Variants in LIMCH1 observed in about 807,000 individuals in gnomAD.
LIMCH1 encodes the protein LIM and calponin homology domains 1.
In LIMCH1, 113 loss-of-function variants were observed where a neutral mutation model predicts 176.5. The observed-to-expected ratio is 0.64, with a 90% CI of 0.55 to 0.75. The LOEUF is 0.75. Ranked by LOEUF, LIMCH1 falls within the 30% of genes least tolerant of loss-of-function variation. LIMCH1 has a pLI of 0.00. For missense variants in LIMCH1, 1,674 were observed against 1,814.9 expected (o/e 0.92, Z 1.41); for synonymous variants, 619 against 645.9 (o/e 0.96, Z 0.63).
At position 41,652,501 on chromosome 4, in the gene LIMCH1, C is replaced by T. The variant is rs57470643; in HGVS notation, c.3036+1893C>T. Among the ~76,000 whole-genome samples the T allele has an allele frequency of 7.4e-3, 1,122 of 152,226 alleles. 17 individuals are homozygous for T. Among genetic ancestry groups the T allele is most frequent in the African/African-American group, 0.026 (1,073 of 41,532 alleles). On this transcript the variant is annotated intron_variant, in intron 18 of 31. Coordinates refer to ENST00000503057, the MANE Select transcript of LIMCH1 (RefSeq NM_001330672.2). ...GCTAGAGATTTCTTGCAGATGATCA[C>T]GAGACAGAATATTGAGTTCTGCTAG...
intron 1 of LIMCH1, among the ~76,000 whole-genome samples, chr4:41,419,674 TTCCTTCC>T (rs1249048021): frequency 2.3e-4 from 17 of 72,626 alleles, no homozygotes; most frequent in South Asian, 6.9e-4. Flanking sequence ...CCTTCCTTCC[TTCCTTCC>T]TCCTTCCTTC....
At chr4:41,481,673 GA>G (rs1376156217) in intron 1 of LIMCH1, among the ~76,000 whole-genome samples, 1 of 151,942 alleles carries the variant, frequency 6.6e-6, no homozygotes, top group Non-Finnish European at 1.5e-5. Flanking sequence ...GGACAGACCT[GA>G]AATATATTTT....
chr4:41,455,721 C>T (rs2064512061), intron 1 of LIMCH1, among the ~76,000 whole-genome samples: 1 of 152,220 alleles, frequency 6.6e-6, no homozygotes, highest in Admixed American at 6.5e-5. Context: ...ACTCAGCGCA[C>T]AAGTTAATTT....
At chr4:41,605,873 C>A in intron 3 of LIMCH1, 21 bp from the exon 4 acceptor site, 2 of 1,512,822 alleles carry the variant, frequency 1.3e-6, no homozygotes, top group South Asian at 2.3e-5. Context: ...AAAATCTGCT[C>A]TTGTGCGTTT....
At chr4:41,459,730 A>G (rs1373648957) in intron 1 of LIMCH1, among the ~76,000 whole-genome samples, 1 of 152,100 alleles carries the variant, frequency 6.6e-6, no homozygotes, top group Admixed American at 6.5e-5. Flanking sequence ...GCTACCACTA[A>G]CTACTCCTAG....
At chr4:41,454,656 G>A (rs908394284) in intron 1 of LIMCH1, among the ~76,000 whole-genome samples, 1 of 152,102 alleles carries the variant, frequency 6.6e-6, no homozygotes, top group Non-Finnish European at 1.5e-5. Context: ...GTATCTAGTG[G>A]CAGTGCACAT....
In LIMCH1 at chr4:41,662,834, T is replaced by C; in HGVS notation, c.3141T>C (p.Phe1047=). The C allele has an allele frequency of 6.2e-7, 1 of 1,614,080 alleles. No individual in the cohort carries two copies. The highest frequency in any genetic ancestry group is 8.5e-7 in the Non-Finnish European group (1 of 1,179,968). ...ACTCCATTGCAGAACCACAGCATTT[T>C]ACAACAACTGTGACTCGATGCAGCC... ...IELASSEPQH[F]TTTVTRCSPT... is the part of the protein sequence containing the mutation. The change falls in exon 20 of 32, where the codon TTT becomes TTC. Residue 1047 remains phenylalanine, a synonymous_variant. Coordinates refer to ENST00000503057, the MANE Select transcript of LIMCH1 (RefSeq NM_001330672.2).
intron 13 of LIMCH1, among the ~76,000 whole-genome samples, chr4:41,636,309 C>T (rs1480405424): frequency 6.8e-6 from 1 of 146,480 alleles, no homozygotes; most frequent in African/African-American, 2.5e-5. Flanking sequence ...TATTGAGTCA[C>T]GTACTTTGCA....
At chr4:41,380,680 A>G (rs2055525789) in intron 1 of LIMCH1, among the ~76,000 whole-genome samples, 2 of 152,160 alleles carry the variant, frequency 1.3e-5, no homozygotes, top group African/African-American at 4.8e-5. Context: ...CAGGGTGGAG[A>G]ACACAGCAGA....
rs76258727 is a variant in LIMCH1 at position 41,690,008 on chromosome 4, G to A, written c.4275+373G>A. ...GTTTCTTAAACTCTTATGACTTAAT[G>A]TGAAAGGGTTTTAGTCTTTGACCTA... On this transcript the variant is annotated intron_variant, in intron 30 of 31. Transcript: ENST00000503057. Among the ~76,000 whole-genome samples, 65 of 152,306 alleles carry A rather than the reference G, an allele frequency of 4.3e-4. 1 individual carries two copies. The East Asian group carries it at 0.012, about 28-fold the overall frequency.
At chr4:41,609,644 G>T (rs2091183071) in intron 4 of LIMCH1, 1 of 455,828 alleles carries the variant, frequency 2.2e-6, no homozygotes, top group Non-Finnish European at 4.4e-6. Flanking sequence ...GAGAAAGGGG[G>T]ATAGGAGGAA....
At position 41,650,375 on chromosome 4, in the gene LIMCH1, T is replaced by G; in HGVS notation, c.2821-18T>G. On this transcript the variant is annotated intron_variant, in intron 17 of 31. Transcript: ENST00000503057. The stretch of plus-strand genomic sequence containing the variant: ...GGGGTATATATAGCATGTTTTTTGT[T>G]CATTCTGGCTTTTATAGGTAGACGG... The G allele has an allele frequency of 6.9e-6, 11 of 1,598,990 alleles. No homozygotes were observed. Among genetic ancestry groups the G allele is most frequent in the Non-Finnish European group, 9.4e-6 (11 of 1,166,488 alleles).
At chr4:41,669,337 A>G (rs1039914512) in intron 21 of LIMCH1, among the ~76,000 whole-genome samples, 2 of 152,230 alleles carry the variant, frequency 1.3e-5, no homozygotes, top group Non-Finnish European at 2.9e-5. Flanking sequence ...GAATAGCAGC[A>G]GGAGGAGTAA....
At chr4:41,678,349 C>A (rs1202492619) in intron 23 of LIMCH1, among the ~76,000 whole-genome samples, 2 of 151,818 alleles carry the variant, frequency 1.3e-5, no homozygotes, top group Non-Finnish European at 1.5e-5. Context: ...TTAAGTTTGG[C>A]ATTTTGTAAC....
intron 2 of LIMCH1, among the ~76,000 whole-genome samples, chr4:41,499,721 G>A (rs1474256883): frequency 1.3e-5 from 2 of 152,188 alleles, no homozygotes; most frequent in Non-Finnish European, 2.9e-5. Context: ...GGGAGGCTGA[G>A]GCAGGAGAAT....
In LIMCH1 at chr4:41,697,590, A is replaced by G. The variant is rs1226057374; in HGVS notation, c.*405A>G. On this transcript the variant is annotated 3_prime_UTR_variant, in exon 32 of 32. Coordinates refer to ENST00000503057, the MANE Select transcript of LIMCH1 (RefSeq NM_001330672.2). The stretch of plus-strand genomic sequence containing the variant: ...TATGTTTACAGAATTGAGCTGCAGA[A>G]AGTGCAAGACATGCCAATTTGAGAC... 5.7e-6 allele frequency: 1 copy of G among 175,208 alleles called. No individual in the cohort carries two copies. Among genetic ancestry groups the G allele is most frequent in the East Asian group, 1.5e-4 (1 of 6,626 alleles). The allele number at this position is 175,208 out of a possible 1,614,324, so 10.9% of individuals were successfully genotyped here. A position where few individuals can be genotyped will look rare whatever the true frequency, so the allele number is the denominator to read the frequency against.
rs2092686992 is a variant in LIMCH1 at position 41,622,901 on chromosome 4, G to A, written c.725+2211G>A. Among the ~76,000 whole-genome samples, 2 of 152,166 alleles carry A rather than the reference G, an allele frequency of 1.3e-5. 1 individual carries two copies. The highest frequency in any genetic ancestry group is 4.1e-4 in the South Asian group (2 of 4,828). ...TTAAAATTGGGCTCTGGATAATTAT[G>A]CATATTCTCAGAGAATGTTCCCAAT... On this transcript the variant is annotated intron_variant, in intron 7 of 31. Transcript: ENST00000503057.
chr4:41,428,091 A>G (rs536490124), intron 1 of LIMCH1, among the ~76,000 whole-genome samples: 1 of 152,318 alleles, frequency 6.6e-6, no homozygotes, highest in East Asian at 1.9e-4. Flanking sequence ...TTGCTCTGAA[A>G]TTGAAATCCT....
chr4:41,475,377 A>G lies in LIMCH1; in HGVS notation c.97-19159A>G, dbSNP rs150031233. Among the ~76,000 whole-genome samples, 106 of 152,342 alleles carry G rather than the reference A, an allele frequency of 7.0e-4. 1 individual carries two copies. The highest frequency in any genetic ancestry group is 2.0e-3 in the African/African-American group (83 of 41,574). ...GGATTAACTCTTAGTCCTATAATGTATGTCATACAGACTGTGAGTTTGCAG... is the reference window on the plus strand; with the variant it reads ...GGATTAACTCTTAGTCCTATAATGTGTGTCATACAGACTGTGAGTTTGCAG... On this transcript the variant is annotated intron_variant, in intron 1 of 26. Coordinates refer to the LIMCH1 transcript ENST00000313860.
Sources: gnomAD v4.1 joint callset for allele counts (sites outside exome capture counted in the v4.1 genomes callset) on GRCh38, gnomAD v4.1.1 for gene constraint, MANE v1.5 for transcripts, NCBI Gene and HGNC (gene_info 2026-07-23, HGNC 2026-07-21) for gene names.